GPC6: variants seen among roughly 807,000 people sequenced by gnomAD.
GPC6 encodes the protein glypican 6, also known as glypican-6.
GPC6 carries 14 observed loss-of-function variants against 55.2 expected under a neutral mutation model. That is an observed-to-expected ratio of 0.25 (90% CI 0.17 to 0.40). The LOEUF is 0.40. Ranked by LOEUF, GPC6 falls within the 10% of genes least tolerant of loss-of-function variation. The probability of loss-of-function intolerance (pLI) is 1.00; values close to 1 mark genes in which losing one functional copy is unlikely to be tolerated. For synonymous variants in GPC6, 278 were observed against 259.6 expected (o/e 1.07, Z -0.68); for missense variants, 641 against 708.5 (o/e 0.90, Z 1.08).
At chr13:94,222,010 G>GT (rs890028883) in intron 4 of GPC6, among the ~76,000 whole-genome samples, 140 of 146,872 alleles carry the variant, frequency 9.5e-4, no homozygotes, top group South Asian at 3.5e-3. Flanking sequence ...TAGTGATAGG[G>GT]TTTTTTTTTT....
At chr13:94,383,043 A>C (rs1406182237) in intron 7 of GPC6, among the ~76,000 whole-genome samples, 3 of 152,210 alleles carry the variant, frequency 2.0e-5, no homozygotes, top group African/African-American at 7.2e-5. Flanking sequence ...TGGTTCTAAT[A>C]GGCAACACAC....
At chr13:94,050,827 C>G (rs1883921245) in intron 4 of GPC6, among the ~76,000 whole-genome samples, 1 of 152,090 alleles carries the variant, frequency 6.6e-6, no homozygotes, top group Non-Finnish European at 1.5e-5. Flanking sequence ...TTTCTGGGTC[C>G]CTATGCCAGT....
At chr13:93,402,979 TTTAA>T (rs555503638) in intron 1 of GPC6, among the ~76,000 whole-genome samples, 220 of 152,230 alleles carry the variant, frequency 1.4e-3, no homozygotes, top group South Asian at 0.012. Flanking sequence ...GGATAGTACT[TTTAA>T]TTAGGAAAAA....
In GPC6 at chr13:93,495,103, A is replaced by G. The variant is rs1443885556; in HGVS notation, c.161-50160A>G. 4.5e-5 allele frequency among the ~76,000 whole-genome samples: 5 copies of G among 110,936 alleles called. 1 individual carries two copies. The highest frequency in any genetic ancestry group is 9.5e-5 in the Non-Finnish European group (5 of 52,532). 72.8% of individuals were successfully genotyped at this position (110,936 alleles called of 152,430 possible). On this transcript the variant is annotated intron_variant, in intron 1 of 8. Transcript: ENST00000377047. Reference sequence around the variant, plus strand: ...TAGATTGGGGAAGTTCTCCTGGATAATATCCTGCAGAGTGTTTTCCAACTT... The same window carrying G: ...TAGATTGGGGAAGTTCTCCTGGATAGTATCCTGCAGAGTGTTTTCCAACTT...
intron 1 of GPC6, among the ~76,000 whole-genome samples, chr13:93,350,373 G>C (rs1442032027): frequency 6.6e-6 from 1 of 152,170 alleles, no homozygotes; most frequent in East Asian, 1.9e-4. Context: ...GGCGGAGGTT[G>C]CAGTGAGCCA....
chr13:93,497,010 G>T (rs547791683), intron 1 of GPC6, among the ~76,000 whole-genome samples: 1 of 152,292 alleles, frequency 6.6e-6, no homozygotes, highest in South Asian at 2.1e-4. Flanking sequence ...TTGTCAACCT[G>T]CTTTCGATGC....
At chr13:94,110,063 A>G (rs941688362) in intron 4 of GPC6, among the ~76,000 whole-genome samples, 4 of 86,074 alleles carry the variant, frequency 4.6e-5, no homozygotes, top group Admixed American at 2.8e-4. Context: ...ACCCTGGACT[A>G]AAAAAAAAAA....
chr13:93,240,350 GT>G (rs2139014457), intron 1 of GPC6, among the ~76,000 whole-genome samples: 1 of 152,194 alleles, frequency 6.6e-6, no homozygotes, highest in South Asian at 2.1e-4. Context: ...TTCTTGTTGA[GT>G]TGACCAACTA....
At chr13:94,210,063 G>A (rs530342767) in intron 4 of GPC6, among the ~76,000 whole-genome samples, 28 of 151,928 alleles carry the variant, frequency 1.8e-4, no homozygotes, top group African/African-American at 6.8e-4. Context: ...TCACAGGCTG[G>A]TCTCAAACTC....
intron 2 of GPC6, among the ~76,000 whole-genome samples, chr13:93,625,718 G>C (rs1213587463): frequency 1.3e-5 from 2 of 152,178 alleles, no homozygotes; most frequent in Non-Finnish European, 2.9e-5. Context: ...GAAAGACTTA[G>C]AAAGGACAAT....
intron 4 of GPC6, among the ~76,000 whole-genome samples, chr13:94,268,428 T>G (rs1891882278): frequency 6.6e-6 from 1 of 152,216 alleles, no homozygotes; most frequent in South Asian, 2.1e-4. Context: ...AGAATAATCT[T>G]TTAGCCTGTT....
intron 6 of GPC6, among the ~76,000 whole-genome samples, chr13:94,324,001 C>G (rs1876977680): frequency 6.6e-6 from 1 of 152,116 alleles, no homozygotes; most frequent in Non-Finnish European, 1.5e-5. Flanking sequence ...TAGAAGAGAA[C>G]TGCAAGCTAA....
the GPC6 span, among the ~76,000 whole-genome samples, chr13:93,218,225 A>G: frequency 1.2e-4 from 18 of 152,106 alleles, no homozygotes; most frequent in African/African-American, 4.1e-4. Context: ...AAGTTAATAT[A>G]GAAGCAAGTT....
intron 3 of GPC6, among the ~76,000 whole-genome samples, chr13:93,896,479 C>T (rs1474854603): frequency 1.3e-5 from 2 of 151,960 alleles, no homozygotes; most frequent in African/African-American, 4.8e-5. Context: ...TAAACTTCAG[C>T]AAGCAAGAAG....
At chr13:93,323,890 CA>C (rs1265734806) in intron 1 of GPC6, among the ~76,000 whole-genome samples, 9 of 152,022 alleles carry the variant, frequency 5.9e-5, no homozygotes, top group Non-Finnish European at 1.5e-5. Flanking sequence ...GGTGATTCCG[CA>C]AAAAACTAAA....
At chr13:93,220,762 G>T in the GPC6 span, among the ~76,000 whole-genome samples, 6 of 152,126 alleles carry the variant, frequency 3.9e-5, no homozygotes, top group Admixed American at 2.6e-4. Context: ...GTAAATATTT[G>T]GTTACTCAAT....
In GPC6 at chr13:94,382,226, T is replaced by C. The variant is rs539466332; in HGVS notation, c.1153-188T>C. 2.6e-5 allele frequency among the ~76,000 whole-genome samples: 4 copies of C among 152,292 alleles called. No individual in the cohort carries two copies. In the South Asian group the frequency reaches 8.3e-4, roughly 32 times the overall value. On this transcript the variant is annotated intron_variant, in intron 6 of 8. Transcript: ENST00000377047. ...TGAGAACTCTCGTCTAGAGGAGGAC[T>C]GAGGGAGAGGAAAGGAGGCTTTCCC...
At chr13:93,678,620 T>A (rs564945889) in intron 2 of GPC6, among the ~76,000 whole-genome samples, 1 of 152,256 alleles carries the variant, frequency 6.6e-6, no homozygotes, top group East Asian at 1.9e-4. Flanking sequence ...AGTTAGGAGC[T>A]CTTTTCTCTT....
intron 2 of GPC6, among the ~76,000 whole-genome samples, chr13:93,668,343 T>C (rs1289101181): frequency 1.3e-5 from 2 of 152,194 alleles, no homozygotes; most frequent in Non-Finnish European, 2.9e-5. Context: ...TGAAGCATGA[T>C]GAGTTAAAGA....
Sources: gnomAD v4.1 joint callset for allele counts (sites outside exome capture counted in the v4.1 genomes callset) on GRCh38, gnomAD v4.1.1 for gene constraint, MANE v1.5 for transcripts, NCBI Gene and HGNC (gene_info 2026-07-23, HGNC 2026-07-21) for gene names.